RCOR3: variants seen among roughly 807,000 people sequenced by gnomAD.
RCOR3 encodes the protein REST corepressor 3.
RCOR3 carries 13 observed loss-of-function variants against 64.1 expected under a neutral mutation model. That is an observed-to-expected ratio of 0.20 (90% CI 0.13 to 0.32). The LOEUF is 0.32. Among genes scored for constraint, RCOR3 ranks in the 10% least tolerant of loss-of-function variants. The pLI is 1.00. For missense variants in RCOR3, 489 were observed against 701.2 expected (o/e 0.70, Z 3.42); for synonymous variants, 215 against 239.0 (o/e 0.90, Z 0.93).
chr1:211,276,941 C>G (rs1265774587), intron 5 of RCOR3, among the ~76,000 whole-genome samples: 2 of 151,954 alleles, frequency 1.3e-5, no homozygotes, highest in East Asian at 3.9e-4. Flanking sequence ...AAAAAATTAG[C>G]TGGGTGTGGT....
chr1:211,312,574 T>G lies in RCOR3; in HGVS notation c.1076-146T>G. On this transcript the variant is annotated intron_variant, in intron 10 of 11. Coordinates refer to ENST00000419091, the MANE Select transcript of RCOR3 (RefSeq NM_001136223.3). The surrounding 1 kb of genome is among the most constrained non-coding windows in gnomAD (Gnocchi z 5.0). ...AGTTTTCATCTGTGACCCTGATATCTTAGCCTCTATCTCAGAATTGAGAAA... is the reference window on the plus strand; with the variant it reads ...AGTTTTCATCTGTGACCCTGATATCGTAGCCTCTATCTCAGAATTGAGAAA... The G allele has an allele frequency of 1.4e-6, 1 of 701,402 alleles. No individual in the cohort carries two copies. The highest frequency in any genetic ancestry group is 2.5e-6 in the Non-Finnish European group (1 of 395,818). 43.4% of individuals were successfully genotyped at this position (701,402 alleles called of 1,614,324 possible). A position where few individuals can be genotyped will look rare whatever the true frequency, so the allele number is the denominator to read the frequency against.
chr1:211,311,164 A>G (rs1701450831), intron 10 of RCOR3, among the ~76,000 whole-genome samples: 1 of 152,182 alleles, frequency 6.6e-6, no homozygotes, highest in African/African-American at 2.4e-5. Flanking sequence ...TCTAGTCACT[A>G]TTAGAATTTA....
At chr1:211,299,004 C>T (rs1700115297) in intron 9 of RCOR3, among the ~76,000 whole-genome samples, 2 of 149,666 alleles carry the variant, frequency 1.3e-5, no homozygotes, top group South Asian at 2.1e-4. Context: ...GAGACTCCGT[C>T]TCAAAAAAAA....
intron 7 of RCOR3, among the ~76,000 whole-genome samples, chr1:211,280,822 A>G (rs139899060): frequency 0.027 from 4,041 of 152,210 alleles, 72 homozygotes; most frequent in Non-Finnish European, 0.038. Flanking sequence ...CGTCTCTACT[A>G]AAAATACAAA....
chr1:211,288,580 AT>A (rs1408401033), intron 7 of RCOR3, among the ~76,000 whole-genome samples: 8 of 147,134 alleles, frequency 5.4e-5, no homozygotes, highest in African/African-American at 9.8e-5. Context: ...TATTATATTT[AT>A]TTTATTTATT....
intron 8 of RCOR3, 89 bp downstream of exon 8, chr1:211,289,485 A>T: frequency 9.2e-6 from 10 of 1,081,776 alleles, no homozygotes; most frequent in Non-Finnish European, 4.0e-6. Flanking sequence ...AGTTGTTTGC[A>T]GATTTTTCTC....
intron 7 of RCOR3, among the ~76,000 whole-genome samples, chr1:211,288,265 A>C (rs1338709679): frequency 6.6e-6 from 1 of 151,762 alleles, no homozygotes; most frequent in Non-Finnish European, 1.5e-5. Context: ...TCTTCAACCT[A>C]AAATATATAG....
intron 1 of RCOR3, 132 bp downstream of exon 1, chr1:211,259,858 C>A: frequency 9.0e-7 from 1 of 1,115,006 alleles, no homozygotes; most frequent in Admixed American, 3.2e-5. Context: ...CCTCGAACTC[C>A]CGGTGCAGTG....
At chr1:211,291,857 G>T (rs1014901587) in intron 8 of RCOR3, among the ~76,000 whole-genome samples, 1 of 152,134 alleles carries the variant, frequency 6.6e-6, no homozygotes, top group Non-Finnish European at 1.5e-5. Flanking sequence ...GGTGGCTCAT[G>T]CCTGTAATCC....
intron 7 of RCOR3, among the ~76,000 whole-genome samples, chr1:211,288,837 T>C (rs543349291): frequency 3.9e-5 from 6 of 152,086 alleles, no homozygotes; most frequent in South Asian, 4.2e-4. Flanking sequence ...AGGTGGCTTT[T>C]CCCCCCCTTT....
At chr1:211,303,195 T>C (rs1247005739) in intron 9 of RCOR3, 1 of 152,218 alleles carries the variant, frequency 6.6e-6, no homozygotes, top group Non-Finnish European at 1.5e-5. Context: ...TTTTACTTTT[T>C]CATTTCTCCT....
At position 211,308,682 on chromosome 1, in the gene RCOR3, TTG is replaced by T. The variant is rs1558111592; in HGVS notation, c.1076-4036_1076-4035del. 2.1e-3 allele frequency among the ~76,000 whole-genome samples: 76 copies of T among 35,702 alleles called. 2 individuals are homozygous for T. The highest frequency in any genetic ancestry group is 3.4e-3 in the African/African-American group (44 of 12,990). 23.4% of individuals were successfully genotyped at this position (35,702 alleles called of 152,430 possible). A position where few individuals can be genotyped will look rare whatever the true frequency, so the allele number is the denominator to read the frequency against. On this transcript the variant is annotated intron_variant, in intron 10 of 11. Coordinates refer to ENST00000419091, the MANE Select transcript of RCOR3 (RefSeq NM_001136223.3). ...ATGTGTTTTTTTTTTTGTTTTTTTT[TTG>T]TTTTTTTTTTTTTTTGTGTAGTCCA...
intron 7 of RCOR3, among the ~76,000 whole-genome samples, chr1:211,285,283 G>A (rs1347330332): frequency 6.6e-6 from 1 of 152,228 alleles, no homozygotes; most frequent in Non-Finnish European, 1.5e-5. Context: ...TCAACATCAA[G>A]TAGGTTGTTA....
chr1:211,280,981 T>C (rs1697713478), intron 7 of RCOR3, among the ~76,000 whole-genome samples: 4 of 76,448 alleles, frequency 5.2e-5, no homozygotes, highest in Middle Eastern at 6.9e-3. Flanking sequence ...CGAAACTCCA[T>C]CTCAAAAAAA....
chr1:211,295,313 C>T (rs1699754880), intron 8 of RCOR3, among the ~76,000 whole-genome samples: 2 of 151,994 alleles, frequency 1.3e-5, no homozygotes, highest in South Asian at 4.1e-4. Flanking sequence ...ATGTTAGCTA[C>T]CATCATCATT....
intron 3 of RCOR3, among the ~76,000 whole-genome samples, chr1:211,272,868 G>A (rs1012686087): frequency 2.6e-4 from 40 of 151,678 alleles, no homozygotes; most frequent in Non-Finnish European, 4.1e-4. Flanking sequence ...TGATCCGCCC[G>A]CCTCGGCCTC....
chr1:211,284,605 G>A (rs1698280432), intron 7 of RCOR3, among the ~76,000 whole-genome samples: 1 of 151,906 alleles, frequency 6.6e-6, no homozygotes, highest in Non-Finnish European at 1.5e-5. Flanking sequence ...CTCACTTCTG[G>A]CACAAATTCC....
chr1:211,291,714 ACATAGGC>A (rs59941407), intron 8 of RCOR3: 14,188 of 371,916 alleles, frequency 0.038, 723 homozygotes, highest in East Asian at 0.25. Context: ...TGGTTCTCTA[ACATAGGC>A]CACATTTGCT....
chr1:211,306,630 A>T (rs1200625981), intron 10 of RCOR3, among the ~76,000 whole-genome samples: 1 of 152,168 alleles, frequency 6.6e-6, no homozygotes, highest in Non-Finnish European at 1.5e-5. Flanking sequence ...CTTTTTTATT[A>T]CAACTCTTTT....
Sources: gnomAD v4.1 joint callset for allele counts (sites outside exome capture counted in the v4.1 genomes callset) on GRCh38, gnomAD v4.1.1 for gene constraint, Gnocchi (gnomAD v3.1) non-coding constraint, MANE v1.5 for transcripts, NCBI Gene and HGNC (gene_info 2026-07-23, HGNC 2026-07-21) for gene names.